The following LRRFIP1 variants were observed in gnomAD, a reference collection of about 807,000 sequenced individuals.
LRRFIP1 encodes the protein leucine-rich repeat flightless-interacting protein 1.
In LRRFIP1, 62 loss-of-function variants were observed where a neutral mutation model predicts 104.4. That is an observed-to-expected ratio of 0.59 (90% confidence interval 0.48 to 0.73). LRRFIP1 has a LOEUF of 0.73. Ranked by LOEUF, LRRFIP1 falls within the 30% of genes least tolerant of loss-of-function variation. The probability of loss-of-function intolerance (pLI) is 0.00; values close to 1 mark genes in which losing one functional copy is unlikely to be tolerated. For synonymous variants in LRRFIP1, 300 were observed against 299.0 expected (o/e 1.00, Z -0.03); for missense variants, 796 against 824.5 (o/e 0.97, Z 0.42).
intron 1 of LRRFIP1, among the ~76,000 whole-genome samples, chr2:237,663,565 G>A (rs988459348): frequency 1.3e-5 from 2 of 152,204 alleles, no homozygotes; most frequent in Non-Finnish European, 2.9e-5. Context: ...GGAACTGGGG[G>A]AAGTTAATTT....
intron 15 of LRRFIP1, among the ~76,000 whole-genome samples, chr2:237,754,389 T>C (rs1026366302): frequency 2.0e-5 from 3 of 152,200 alleles, no homozygotes; most frequent in African/African-American, 7.2e-5. Context: ...ATAATTTCTA[T>C]TGAGAGTCTC....
chr2:237,741,173 G>A (rs867741708), intron 11 of LRRFIP1, among the ~76,000 whole-genome samples: 8 of 152,188 alleles, frequency 5.3e-5, no homozygotes, highest in Non-Finnish European at 8.8e-5. Context: ...GGGGCACACC[G>A]CCCCCCAGTA....
At chr2:237,764,986 G>A (rs550855670) in intron 19 of LRRFIP1, 4 of 985,088 alleles carry the variant, frequency 4.1e-6, no homozygotes, top group East Asian at 1.1e-4. Context: ...TTTTGGCCGG[G>A]CGTGGTGGCT....
At chr2:237,684,922 G>GAAA (rs11386479) in intron 1 of LRRFIP1, among the ~76,000 whole-genome samples, 1 of 144,278 alleles carries the variant, frequency 6.9e-6, no homozygotes, top group Non-Finnish European at 1.5e-5. Flanking sequence ...CCCTGTCTCT[G>GAAA]AAAAAAAAAA....
In LRRFIP1 at chr2:237,661,208, G is replaced by A. The variant is rs143664768; in HGVS notation, c.96+33468G>A. Among the ~76,000 whole-genome samples the A allele has an allele frequency of 9.8e-5, 15 of 152,326 alleles. No individual in the cohort carries two copies. In the East Asian group the frequency reaches 2.9e-3, roughly 29 times the overall value. ...TGGGGGATCCTGGGCAGAAGCCCCT[G>A]AAGTGATTGAGCTGTTTCCTGGGCC... is the stretch of plus-strand genomic sequence containing the variant. On this transcript the variant is annotated intron_variant, in intron 1 of 23. Transcript: ENST00000308482. This position sits in a 1 kb window ranked among gnomAD's most constrained non-coding sequence, Gnocchi z 4.4.
intron 19 of LRRFIP1, among the ~76,000 whole-genome samples, chr2:237,761,040 T>C (rs150300529): frequency 4.6e-5 from 7 of 152,346 alleles, no homozygotes; most frequent in Non-Finnish European, 7.3e-5. Flanking sequence ...TTCCAGTGTT[T>C]TACAAAGAGG....
At chr2:237,740,563 T>G (rs1333382026) in intron 11 of LRRFIP1, among the ~76,000 whole-genome samples, 1 of 152,218 alleles carries the variant, frequency 6.6e-6, no homozygotes, top group East Asian at 1.9e-4. Context: ...GTCGCAGCGC[T>G]GAGACCTCCT....
intron 1 of LRRFIP1, among the ~76,000 whole-genome samples, chr2:237,658,869 T>G (rs550800870): frequency 3.9e-5 from 6 of 152,206 alleles, no homozygotes; most frequent in African/African-American, 1.2e-4. Context: ...GAGATTTGGG[T>G]GGGGACACAA....
chr2:237,744,966 C>T (rs909717441), intron 11 of LRRFIP1, among the ~76,000 whole-genome samples: 28 of 152,242 alleles, frequency 1.8e-4, no homozygotes, highest in Admixed American at 1.2e-3. Flanking sequence ...TCCTCCAGGC[C>T]CCCACACCAT....
At chr2:237,681,697 T>TTTTTTTTTTTTTTTTTTG (rs1161155692) in intron 1 of LRRFIP1, among the ~76,000 whole-genome samples, 1 of 107,926 alleles carries the variant, frequency 9.3e-6, no homozygotes, top group Admixed American at 1.0e-4. Flanking sequence ...TTTTTTTTTT[T>TTTTTTTTTTTTTTTTTTG]GAGACGGAGT....
chr2:237,731,842 G>T (rs10187840), intron 8 of LRRFIP1, among the ~76,000 whole-genome samples: 1 of 152,130 alleles, frequency 6.6e-6, no homozygotes, highest in South Asian at 2.1e-4. Flanking sequence ...AGGGCCACAT[G>T]TGAACTCGCC....
intron 19 of LRRFIP1, chr2:237,768,274 TATA>T (rs1326218538): frequency 1.3e-5 from 2 of 152,260 alleles, no homozygotes; most frequent in Non-Finnish European, 2.9e-5. Context: ...CTTCTCTATT[TATA>T]ATGTTCTCAC....
rs1294057095 is a variant in LRRFIP1 at position 237,753,371 on chromosome 2, C to A, written c.930C>A (p.Asp310Glu). The change falls in exon 15 of 24, where the codon GAC (aspartate) becomes GAA (glutamate). Residue 310 changes from aspartate (D) to glutamate (E), a missense_variant. Asp to Glu is a conservative substitution (Grantham distance 45, BLOSUM62 2). Coordinates refer to ENST00000308482, the MANE Select transcript of LRRFIP1 (RefSeq NM_001137550.2). ...CTATGGTTTCCAATGCTCAGCTAGA[C>A]AATGAAAAGACAAACTTCATGTACC... is the stretch of plus-strand genomic sequence containing the variant. ...KKAMVSNAQLDNEKTNFMYQV... is the reference protein window; with the variant it reads ...KKAMVSNAQLENEKTNFMYQV... The A allele has an allele frequency of 2.5e-6, 4 of 1,606,484 alleles. No individual in the cohort carries two copies. In the African/African-American group the frequency reaches 4.0e-5, roughly 16 times the overall value.
At chr2:237,779,334 G>T in intron 23 of LRRFIP1, 88 bp from the exon 24 acceptor site, 1 of 1,495,568 alleles carries the variant, frequency 6.7e-7, no homozygotes, top group African/African-American at 1.4e-5. Context: ...TTATTTTTCA[G>T]TAGGATTGGA....
intron 6 of LRRFIP1, chr2:237,721,079 C>T (rs568403897): frequency 2.3e-6 from 1 of 429,474 alleles, no homozygotes; most frequent in East Asian, 3.9e-5. Flanking sequence ...TACTTATCCA[C>T]ATCACAAAGC....
chr2:237,780,475 C>T lies in LRRFIP1; in HGVS notation c.*943C>T, dbSNP rs1576482539. Among the ~76,000 whole-genome samples the T allele has an allele frequency of 6.6e-6, 1 of 152,146 alleles. No homozygotes were observed. The highest frequency in any genetic ancestry group is 2.1e-4 in the South Asian group (1 of 4,822). ...AAAAGGTGTTTTCACAGAATGAGTG[C>T]ACTTAAAAAGTGAAGTGAAGGAGGA... is the stretch of plus-strand genomic sequence containing the variant. On this transcript the variant is annotated 3_prime_UTR_variant, in exon 24 of 24. Transcript: ENST00000308482.
chr2:237,653,439 G>A (rs1055883621), intron 1 of LRRFIP1, among the ~76,000 whole-genome samples: 3 of 152,102 alleles, frequency 2.0e-5, no homozygotes, highest in Middle Eastern at 3.2e-3. Context: ...GCTACCCAAA[G>A]CAATCTACAG....
At chr2:237,629,785 T>G (rs2082093960) in intron 1 of LRRFIP1, among the ~76,000 whole-genome samples, 1 of 152,194 alleles carries the variant, frequency 6.6e-6, no homozygotes, top group Admixed American at 6.5e-5. Flanking sequence ...CTGCTGGTTT[T>G]TATAAAATAG....
intron 11 of LRRFIP1, among the ~76,000 whole-genome samples, chr2:237,746,895 G>A (rs1363290413): frequency 1.3e-5 from 2 of 152,200 alleles, no homozygotes; most frequent in Non-Finnish European, 2.9e-5. Flanking sequence ...TGCCCAAAGG[G>A]CTTATTTAGC....
Sources: gnomAD v4.1 joint callset for allele counts (sites outside exome capture counted in the v4.1 genomes callset) on GRCh38, gnomAD v4.1.1 for gene constraint, Gnocchi (gnomAD v3.1) non-coding constraint, MANE v1.5 for transcripts, NCBI Gene and HGNC (gene_info 2026-07-23, HGNC 2026-07-21) for gene names.